Variants in HTR4 observed in about 807,000 individuals in gnomAD.
The protein encoded by HTR4 is 5-hydroxytryptamine receptor 4.
In HTR4, 16 loss-of-function variants were observed where a neutral mutation model predicts 36.8. The ratio of observed to expected loss-of-function variants is 0.43; its 90% CI spans 0.29 to 0.66. The LOEUF (loss-of-function observed/expected upper bound fraction) is 0.66. Among genes scored for constraint, HTR4 ranks in the 30% least tolerant of loss-of-function variants. HTR4 has a pLI of 0.13. For missense variants in HTR4, 438 were observed against 490.9 expected, an observed-to-expected ratio of 0.89 and a Z score of 1.02; for synonymous variants, 189 against 185.1, an observed-to-expected ratio of 1.02 and a Z score of -0.17.
At chr5:148,474,418 G>T (rs1561565755), downstream of HTR4, among the ~76,000 whole-genome samples, 1 of 152,104 alleles carries the variant, frequency 6.6e-6, no homozygotes, top group South Asian at 2.1e-4. Context: ...CTATTGACAG[G>T]AAGGCCATAT....
At chr5:148,454,638 C>T (rs189294986) in intron 5 of HTR4, among the ~76,000 whole-genome samples, 3 of 152,296 alleles carry the variant, frequency 2.0e-5, no homozygotes, top group African/African-American at 7.2e-5. Context: ...AATCACAAAG[C>T]CCTCTTTTGG....
chr5:148,621,514 T>C (rs769125178), intron 2 of HTR4, among the ~76,000 whole-genome samples: 2 of 152,208 alleles, frequency 1.3e-5, no homozygotes, highest in Non-Finnish European at 2.9e-5. Context: ...AGTCAGTCCA[T>C]GGTAGCATAG....
At chr5:148,653,560 C>T (rs1246185228) in intron 1 of HTR4, among the ~76,000 whole-genome samples, 1 of 152,122 alleles carries the variant, frequency 6.6e-6, no homozygotes, top group African/African-American at 2.4e-5. Flanking sequence ...CGTATACACA[C>T]ACATCAAAGT....
intron 5 of HTR4, among the ~76,000 whole-genome samples, chr5:148,518,677 T>C (rs1757873118): frequency 6.6e-6 from 1 of 152,210 alleles, no homozygotes. Context: ...GCTACCTCTC[T>C]GACCTCTACT....
At chr5:148,589,937 C>T (rs1196441698) in intron 2 of HTR4, among the ~76,000 whole-genome samples, 1 of 152,080 alleles carries the variant, frequency 6.6e-6, no homozygotes, top group South Asian at 2.1e-4. Context: ...TCTAGTAGAA[C>T]TCCAGAAGTA....
At chr5:148,455,945 G>T (rs553173358) in intron 5 of HTR4, among the ~76,000 whole-genome samples, 4 of 152,064 alleles carry the variant, frequency 2.6e-5, no homozygotes, top group Admixed American at 2.6e-4. Flanking sequence ...TGAAGAGGGG[G>T]GTTGGTCTTC....
intron 4 of HTR4, among the ~76,000 whole-genome samples, chr5:148,544,605 GTA>G (rs1759295736): frequency 6.6e-6 from 1 of 152,090 alleles, no homozygotes; most frequent in Non-Finnish European, 1.5e-5. Flanking sequence ...AAAATCAACT[GTA>G]CTCTAAAGCT....
At chr5:148,553,171 T>G (rs578173932) in intron 2 of HTR4, among the ~76,000 whole-genome samples, 2 of 152,222 alleles carry the variant, frequency 1.3e-5, no homozygotes, top group Admixed American at 6.5e-5. Flanking sequence ...AACAGATGCA[T>G]GAGACAGTAT....
intron 4 of HTR4, among the ~76,000 whole-genome samples, chr5:148,533,127 AG>A (rs1441122933): frequency 6.6e-6 from 1 of 152,236 alleles, no homozygotes; most frequent in East Asian, 1.9e-4. Flanking sequence ...AGTGTTTAAC[AG>A]GAAAAGTAAT....
At position 148,509,927 on chromosome 5, in the gene HTR4, T is replaced by C. The variant is rs1475653733; in HGVS notation, c.605A>G (p.Tyr202Cys). 5.6e-6 allele frequency: 9 copies of C among 1,613,754 alleles called. No individual in the cohort carries two copies. The highest frequency in any genetic ancestry group is 7.6e-6 in the Non-Finnish European group (9 of 1,179,956). Residue 202 changes from tyrosine (Y) to cysteine (C), a missense_variant, in exon 6 of 7, where the codon TAC (tyrosine) becomes TGC (cysteine). Transcript: ENST00000377888. ...YAITCSVVAF[Y>C]IPFLLMVLAY... ...CAGCACCATGAGGAGAAATGGGATG[T>C]AGAAGGCCACCACAGAGCAGGTGAT...
In HTR4 at chr5:148,583,642, CATCATCATT is replaced by C. The variant is rs915802440; in HGVS notation, c.27-33389_27-33381del. Reference sequence around the variant, plus strand: ...TCATCATCATCATCATCATCATCATCATCATCATTATTATCATCATTTTATATTAAAAAG... The same window carrying C: ...TCATCATCATCATCATCATCATCATCATTATCATCATTTTATATTAAAAAG... On this transcript the variant is annotated intron_variant, in intron 2 of 6. Transcript: ENST00000377888. Among the ~76,000 whole-genome samples the C allele has an allele frequency of 5.3e-5, 8 of 151,548 alleles. No homozygotes were observed. The South Asian group carries it at 8.3e-4, about 16-fold the overall frequency.
At chr5:148,467,572 A>T (rs1304210365) in intron 5 of HTR4, among the ~76,000 whole-genome samples, 1 of 152,244 alleles carries the variant, frequency 6.6e-6, no homozygotes, top group Admixed American at 6.5e-5. Context: ...TAAAAATGAT[A>T]AATGTGATTA....
chr5:148,516,607 C>T (rs181544318), intron 5 of HTR4, among the ~76,000 whole-genome samples: 27 of 150,540 alleles, frequency 1.8e-4, no homozygotes, highest in Admixed American at 4.0e-4. Flanking sequence ...CGTGAGCCAC[C>T]GCACCTGGCC....
chr5:148,599,879 T>G (rs193081032), intron 2 of HTR4, among the ~76,000 whole-genome samples: 18 of 152,078 alleles, frequency 1.2e-4, no homozygotes. Context: ...AAAGTTATAT[T>G]AAGCTAATAA....
At chr5:148,468,374 T>C (rs563615740) in intron 5 of HTR4, among the ~76,000 whole-genome samples, 2 of 152,352 alleles carry the variant, frequency 1.3e-5, no homozygotes, top group East Asian at 1.9e-4. Context: ...CTATCTCCTG[T>C]ACTCTGGCAG....
At chr5:148,653,608 A>AACAC (rs56205829) in intron 1 of HTR4, among the ~76,000 whole-genome samples, 83 of 149,402 alleles carry the variant, frequency 5.6e-4, no homozygotes, top group African/African-American at 1.9e-3. Flanking sequence ...CTCTCTCTCT[A>AACAC]ACACACACAC....
chr5:148,585,320 C>G (rs1220568637), intron 2 of HTR4, among the ~76,000 whole-genome samples: 1 of 152,160 alleles, frequency 6.6e-6, no homozygotes, highest in Non-Finnish European at 1.5e-5. Flanking sequence ...ATGTATTACA[C>G]TCACAACTTT....
chr5:148,629,702 T>C (rs1456818552), intron 2 of HTR4: 1 of 152,162 alleles, frequency 6.6e-6, no homozygotes, highest in Non-Finnish European at 1.5e-5. Flanking sequence ...AGATTGAGAC[T>C]CAGATGCTTA....
chr5:148,467,574 A>G (rs192840666), intron 5 of HTR4, among the ~76,000 whole-genome samples: 294 of 152,328 alleles, frequency 1.9e-3, no homozygotes, highest in Non-Finnish European at 3.1e-3. Context: ...AAAATGATAA[A>G]TGTGATTAAT....
Sources: allele counts gnomAD v4.1 joint callset (sites outside exome capture counted in the v4.1 genomes callset), GRCh38; gene constraint gnomAD v4.1.1; transcripts MANE v1.5; gene names NCBI Gene and HGNC (gene_info 2026-07-23, HGNC 2026-07-21).